Variants in TEAD1 observed in about 807,000 individuals in gnomAD.
TEAD1 encodes the protein transcriptional enhancer factor TEF-1.
In TEAD1, 9 loss-of-function variants were observed where a neutral mutation model predicts 54.9. The ratio of observed to expected loss-of-function variants is 0.16; its 90% CI spans 0.10 to 0.29. TEAD1 has a LOEUF of 0.29. Among genes scored for constraint, TEAD1 ranks in the 10% least tolerant of loss-of-function variants. TEAD1 has a pLI of 1.00. For missense variants in TEAD1, 387 were observed against 535.9 expected, an observed-to-expected ratio of 0.72 and a Z score of 2.74; for synonymous variants, 200 against 187.8, an observed-to-expected ratio of 1.07 and a Z score of -0.53.
chr11:12,939,916 TA>T lies in TEAD1; in HGVS notation c.*2695del, dbSNP rs1240160505. ...AGTCTGTCTTTTGTCCTTCATTCTG[TA>T]TGGCAGTCTCCCTTTGTTATAAAAG... On this transcript the variant is annotated 3_prime_UTR_variant, in exon 13 of 13. Coordinates refer to ENST00000527636, the MANE Select transcript of TEAD1 (RefSeq NM_021961.6). The T allele has an allele frequency of 6.6e-6, 1 of 152,204 alleles. No homozygotes were observed. Among genetic ancestry groups the T allele is most frequent in the Non-Finnish European group, 1.5e-5 (1 of 68,050 alleles). The allele number at this position is 152,204 out of a possible 1,614,324, so 9.4% of individuals were successfully genotyped here.
At chr11:12,818,606 T>A (rs1214481259) in intron 3 of TEAD1, among the ~76,000 whole-genome samples, 1 of 152,144 alleles carries the variant, frequency 6.6e-6, no homozygotes, top group Non-Finnish European at 1.5e-5. Flanking sequence ...TGTGTCTTCC[T>A]TGGATGTCCT....
At chr11:12,839,267 C>T (rs7935391) in intron 3 of TEAD1, among the ~76,000 whole-genome samples, 30 of 152,062 alleles carry the variant, frequency 2.0e-4, no homozygotes, top group African/African-American at 6.5e-4. Flanking sequence ...AAAAATTAGC[C>T]GGGTGTGGTA....
intron 3 of TEAD1, among the ~76,000 whole-genome samples, chr11:12,776,948 C>T (rs1265381731): frequency 2.0e-5 from 3 of 151,980 alleles, no homozygotes; most frequent in Non-Finnish European, 4.4e-5. Context: ...GCATGCACCA[C>T]CATGCTCGGC....
intron 9 of TEAD1, among the ~76,000 whole-genome samples, chr11:12,896,356 A>G (rs1475500280): frequency 1.3e-5 from 2 of 152,096 alleles, no homozygotes; most frequent in South Asian, 2.1e-4. Context: ...CCTTTCTTCT[A>G]TGTTAGGCCC....
chr11:12,783,192 CTTTTT>C (rs3046326), intron 3 of TEAD1, among the ~76,000 whole-genome samples: 1 of 99,548 alleles, frequency 1.0e-5, no homozygotes, highest in Admixed American at 1.0e-4. Context: ...GTTTTTGTGC[CTTTTT>C]TTTTTTTTTT....
intron 3 of TEAD1, among the ~76,000 whole-genome samples, chr11:12,854,297 A>G (rs1018295699): frequency 1.3e-5 from 2 of 152,078 alleles, no homozygotes; most frequent in Non-Finnish European, 2.9e-5. Context: ...TTACTCCATC[A>G]GTCTGTAGCC....
chr11:12,798,001 C>T (rs1048642198), intron 3 of TEAD1, among the ~76,000 whole-genome samples: 3 of 152,170 alleles, frequency 2.0e-5, no homozygotes, highest in Admixed American at 2.0e-4. Flanking sequence ...TCTAGCTATG[C>T]TTTCCATCCC....
rs551086166 is a variant in TEAD1, at chr11:12,772,894, A to G, written c.202+8460A>G. ...TGTGCAGGTTCATGTCTCCACCGCC[A>G]CAATCAGAATACAGAACAGCTCCAA... On this transcript the variant is annotated intron_variant, in intron 3 of 12. Coordinates refer to ENST00000527636, the MANE Select transcript of TEAD1 (RefSeq NM_021961.6). 4.3e-4 allele frequency among the ~76,000 whole-genome samples: 66 copies of G among 152,316 alleles called. No homozygotes were observed. In the Middle Eastern group the frequency reaches 0.02, roughly 47 times the overall value.
intron 3 of TEAD1, among the ~76,000 whole-genome samples, chr11:12,838,141 C>A (rs567314636): frequency 1.3e-5 from 2 of 152,250 alleles, no homozygotes; most frequent in East Asian, 3.9e-4. Flanking sequence ...TAATGACTTA[C>A]AACACATCCT....
rs75069619 is a variant in TEAD1 at position 12,889,572 on chromosome 11, G to A, written c.699+6447G>A. On this transcript the variant is annotated intron_variant, in intron 9 of 12. Transcript: ENST00000527636. Reference sequence around the variant, plus strand: ...CACAACCAGAGGAGGGAAGAGTTGGGGGTGGAGAAAGAGGCAAAGAGATTG... The same window carrying A: ...CACAACCAGAGGAGGGAAGAGTTGGAGGTGGAGAAAGAGGCAAAGAGATTG... Among the ~76,000 whole-genome samples the A allele has an allele frequency of 6.1e-3, 923 of 152,300 alleles. 9 individuals carry two copies. Among genetic ancestry groups the A allele is most frequent in the African/African-American group, 0.021 (879 of 41,552 alleles).
At chr11:12,868,582 A>G (rs143474999) in intron 5 of TEAD1, among the ~76,000 whole-genome samples, 4 of 152,310 alleles carry the variant, frequency 2.6e-5, no homozygotes, top group South Asian at 2.1e-4. Context: ...TTATGCTTCT[A>G]CTAATTGGCA....
intron 3 of TEAD1, among the ~76,000 whole-genome samples, chr11:12,766,302 G>A (rs1391086944): frequency 1.3e-5 from 2 of 152,124 alleles, no homozygotes; most frequent in Non-Finnish European, 2.9e-5. Context: ...CAGCCCTGGT[G>A]GATTTAACCA....
Position 12,919,623 on chromosome 11 carries a change from A to G in TEAD1, c.874-5289A>G, listed in dbSNP as rs182324012. ...AGCTTCCTATTTTAGCCTCCCAGGTAGCTGGGACTACAGGCACATGCCACC... is the reference window on the plus strand; with the variant it reads ...AGCTTCCTATTTTAGCCTCCCAGGTGGCTGGGACTACAGGCACATGCCACC... On this transcript the variant is annotated intron_variant, in intron 10 of 12. Coordinates refer to ENST00000527636, the MANE Select transcript of TEAD1 (RefSeq NM_021961.6). 2.5e-3 allele frequency among the ~76,000 whole-genome samples: 380 copies of G among 151,794 alleles called. 1 individual carries two copies. The highest frequency in any genetic ancestry group is 8.8e-3 in the African/African-American group (365 of 41,362).
At chr11:12,925,165 G>C in intron 11 of TEAD1, 113 bp downstream of exon 11, 1 of 1,232,204 alleles carries the variant, frequency 8.1e-7, no homozygotes, top group Non-Finnish European at 1.2e-6. Flanking sequence ...CTTACCTTCT[G>C]TATTAGTCCA....
chr11:12,886,157 G>T (rs771223862), intron 9 of TEAD1, among the ~76,000 whole-genome samples: 9 of 152,248 alleles, frequency 5.9e-5, no homozygotes, highest in Non-Finnish European at 8.8e-5. Context: ...TGAAGCTGAA[G>T]TGTATGTGGC....
intron 2 of TEAD1, among the ~76,000 whole-genome samples, chr11:12,728,815 T>TA (rs1169837025): frequency 6.6e-6 from 1 of 152,250 alleles, no homozygotes; most frequent in Non-Finnish European, 1.5e-5. Flanking sequence ...TTTTCTTCCC[T>TA]AAGTGTAGAA....
intron 2 of TEAD1, among the ~76,000 whole-genome samples, chr11:12,694,985 G>C (rs943971089): frequency 1.3e-5 from 2 of 152,176 alleles, no homozygotes; most frequent in African/African-American, 2.4e-5. Flanking sequence ...TTCATAGCTG[G>C]CAATAGCTCA....
At chr11:12,693,670 C>G (rs957885677) in intron 2 of TEAD1, among the ~76,000 whole-genome samples, 2 of 152,158 alleles carry the variant, frequency 1.3e-5, no homozygotes, top group African/African-American at 4.8e-5. Flanking sequence ...TTCATTGTTT[C>G]GGTAACCGTT....
intron 2 of TEAD1, among the ~76,000 whole-genome samples, chr11:12,680,627 C>T (rs2133810178): frequency 6.6e-6 from 1 of 152,326 alleles, no homozygotes; most frequent in East Asian, 1.9e-4. Context: ...CTGATCTATC[C>T]CCGTACACGT....
Sources: gnomAD v4.1 joint callset for allele counts (sites outside exome capture counted in the v4.1 genomes callset) on GRCh38, gnomAD v4.1.1 for gene constraint, MANE v1.5 for transcripts, NCBI Gene and HGNC (gene_info 2026-07-23, HGNC 2026-07-21) for gene names.